The following PTPRD variants were observed in gnomAD, a reference collection of about 807,000 sequenced individuals.
PTPRD encodes receptor-type tyrosine-protein phosphatase delta.
PTPRD carries 34 observed loss-of-function variants against 214.5 expected under a neutral mutation model. The ratio of observed to expected loss-of-function variants is 0.16; its 90% confidence interval spans 0.12 to 0.21. The LOEUF is 0.21. PTPRD is among the 10% of genes least tolerant of loss of function. The probability of loss-of-function intolerance (pLI) is 1.00; values close to 1 mark genes in which losing one functional copy is unlikely to be tolerated. For missense variants in PTPRD, 2,545 were observed against 2,398.7 expected (o/e 1.06, Z -1.27); for synonymous variants, 1,128 against 845.7 (o/e 1.33, Z -5.79).
rs565824353 is a variant in PTPRD, at chr9:9,842,658, T to C, written c.-367-75807A>G. ...ATACCAGTTAAAAACTAATCAACTA[T>C]CTAAAAAAGTTGTTTTTTTTTTTTT... On this transcript the variant is annotated intron_variant, in intron 5 of 45. Coordinates refer to ENST00000381196, the MANE Select transcript of PTPRD (RefSeq NM_002839.4). Among the ~76,000 whole-genome samples the C allele has an allele frequency of 2.6e-5, 4 of 151,592 alleles. No individual in the cohort carries two copies. In the South Asian group the frequency reaches 8.3e-4, roughly 32 times the overall value.
intron 30 of PTPRD, among the ~76,000 whole-genome samples, chr9:8,479,812 C>T (rs576159159): frequency 6.6e-6 from 1 of 152,010 alleles, no homozygotes; most frequent in South Asian, 2.1e-4. Flanking sequence ...CTGCTCTTTT[C>T]CTGAAGAGAC....
intron 9 of PTPRD, among the ~76,000 whole-genome samples, chr9:9,368,732 A>G (rs1182532851): frequency 6.6e-6 from 1 of 151,868 alleles, no homozygotes; most frequent in East Asian, 1.9e-4. Context: ...GGTATTACAA[A>G]CAAATGCTGC....
chr9:8,841,381 A>G (rs902484862), intron 11 of PTPRD, among the ~76,000 whole-genome samples: 1 of 152,196 alleles, frequency 6.6e-6, no homozygotes, highest in Admixed American at 6.5e-5. Context: ...CTTGCAATCA[A>G]TCACCTCTGG....
At chr9:9,099,436 A>G (rs2099788260) in intron 10 of PTPRD, among the ~76,000 whole-genome samples, 1 of 152,170 alleles carries the variant, frequency 6.6e-6, no homozygotes, top group African/African-American at 2.4e-5. Flanking sequence ...TGTGGACTGT[A>G]TCAGTCTTAG....
intron 9 of PTPRD, among the ~76,000 whole-genome samples, chr9:9,216,254 A>G (rs1326648989): frequency 6.6e-6 from 1 of 152,172 alleles, no homozygotes; most frequent in Non-Finnish European, 1.5e-5. Flanking sequence ...GAATATAGAC[A>G]CAACAAATAT....
chr9:8,320,421 T>C (rs1242374499), intron 44 of PTPRD, among the ~76,000 whole-genome samples: 1 of 152,118 alleles, frequency 6.6e-6, no homozygotes, highest in Non-Finnish European at 1.5e-5. Flanking sequence ...TTAAAATACA[T>C]ATGCGATGCC....
intron 9 of PTPRD, among the ~76,000 whole-genome samples, chr9:9,375,157 A>G (rs1043748778): frequency 3.3e-5 from 5 of 152,124 alleles, no homozygotes; most frequent in Non-Finnish European, 7.3e-5. Flanking sequence ...AATATCATAA[A>G]TTTTCTACAT....
At chr9:9,805,125 C>G (rs1378708108) in intron 5 of PTPRD, among the ~76,000 whole-genome samples, 2 of 152,016 alleles carry the variant, frequency 1.3e-5, no homozygotes, top group Non-Finnish European at 2.9e-5. Context: ...TGGGGCCAGG[C>G]TTTGGGTTTT....
chr9:8,689,534 A>T (rs976980192), intron 12 of PTPRD, among the ~76,000 whole-genome samples: 1 of 152,216 alleles, frequency 6.6e-6, no homozygotes, highest in Non-Finnish European at 1.5e-5. Flanking sequence ...AGGAAGAGGC[A>T]AAAGTGGGAA....
intron 4 of PTPRD, among the ~76,000 whole-genome samples, chr9:9,949,277 G>C (rs1182218163): frequency 3.3e-5 from 5 of 152,022 alleles, no homozygotes; most frequent in African/African-American, 1.2e-4. Context: ...TAAAAATTGA[G>C]ACCAAAGCAG....
At chr9:9,117,049 T>C (rs2099813047) in intron 10 of PTPRD, among the ~76,000 whole-genome samples, 1 of 152,062 alleles carries the variant, frequency 6.6e-6, no homozygotes, top group Non-Finnish European at 1.5e-5. Context: ...CAGGCTTTAC[T>C]CCTTCCCAAA....
chr9:8,734,456 T>C (rs991987040), intron 11 of PTPRD, among the ~76,000 whole-genome samples: 6 of 152,216 alleles, frequency 3.9e-5, no homozygotes, highest in Non-Finnish European at 7.3e-5. Flanking sequence ...TAGCAGAGGT[T>C]AGAATTTTTT....
chr9:8,321,479 GTGTGTGTGTATATATATATATA>G (rs1373700599), intron 44 of PTPRD, among the ~76,000 whole-genome samples: 131 of 58,128 alleles, frequency 2.3e-3, no homozygotes, highest in African/African-American at 8.3e-3. Context: ...GTGTGTGTGT[GTGTGTGTGTATATATATATATA>G]TATATATATA....
chr9:9,731,462 G>T lies in PTPRD; in HGVS notation c.-287+3071C>A, dbSNP rs1340284007. On this transcript the variant is annotated intron_variant, in intron 7 of 45. Transcript: ENST00000381196. ...GCAATTCTAGAAATGGAAATTTAAG[G>T]TTTTTTTTTAATTATACTTTAAGTT... Among the ~76,000 whole-genome samples the T allele has an allele frequency of 5.3e-5, 8 of 151,358 alleles. No homozygotes were observed. In the East Asian group the frequency reaches 1.6e-3, roughly 29 times the overall value.
chr9:8,355,008 T>G (rs969087432), intron 39 of PTPRD, among the ~76,000 whole-genome samples: 4 of 152,196 alleles, frequency 2.6e-5, no homozygotes, highest in African/African-American at 4.8e-5. Context: ...TGATATAGTT[T>G]GGATATGTGT....
intron 14 of PTPRD, among the ~76,000 whole-genome samples, chr9:8,614,459 C>A (rs904227284): frequency 7.0e-4 from 107 of 152,074 alleles, no homozygotes; most frequent in African/African-American, 2.5e-3. Context: ...AGATGCCACA[C>A]AGATTAATGC....
intron 11 of PTPRD, among the ~76,000 whole-genome samples, chr9:8,919,250 G>T (rs900250306): frequency 6.6e-6 from 1 of 151,964 alleles, no homozygotes; most frequent in African/African-American, 2.4e-5. Flanking sequence ...AAAATTAGCT[G>T]GGCGTGGTGG....
chr9:10,518,754 G>T (rs768900561), intron 2 of PTPRD, among the ~76,000 whole-genome samples: 1 of 151,818 alleles, frequency 6.6e-6, no homozygotes, highest in Admixed American at 6.6e-5. Flanking sequence ...AGATGGTCTT[G>T]ATCTCCTGAC....
chr9:8,363,409 C>T (rs955917077), intron 39 of PTPRD, among the ~76,000 whole-genome samples: 1 of 152,130 alleles, frequency 6.6e-6, no homozygotes, highest in Non-Finnish European at 1.5e-5. Context: ...CTCTTCTATA[C>T]ACATCTAGGG....
Sources: gnomAD v4.1 joint callset for allele counts (sites outside exome capture counted in the v4.1 genomes callset) on GRCh38, gnomAD v4.1.1 for gene constraint, MANE v1.5 for transcripts, NCBI Gene and HGNC (gene_info 2026-07-23, HGNC 2026-07-21) for gene names.